SMYD3: variants seen among roughly 807,000 people sequenced by gnomAD.
The protein encoded by SMYD3 is SET and MYND domain containing 3, also known as histone-lysine N-methyltransferase SMYD3.
Under a neutral mutation model 57.7 loss-of-function variants are expected in SMYD3, and 36 were observed. The ratio of observed to expected loss-of-function variants is 0.62; its 90% CI spans 0.48 to 0.82. The LOEUF (loss-of-function observed/expected upper bound fraction) is 0.82. SMYD3 is among the 40% of genes least tolerant of loss of function. The probability of loss-of-function intolerance (pLI) is 0.00; values close to 1 mark genes in which losing one functional copy is unlikely to be tolerated. For synonymous variants in SMYD3, 211 were observed against 195.0 expected, an observed-to-expected ratio of 1.08 and a Z score of -0.68; for missense variants, 515 against 538.8, an observed-to-expected ratio of 0.96 and a Z score of 0.44.
At chr1:246,143,141 A>ACC (rs1553299710) in intron 5 of SMYD3, among the ~76,000 whole-genome samples, 4 of 132,930 alleles carry the variant, frequency 3.0e-5, no homozygotes, top group Admixed American at 1.4e-4. Context: ...ACACACACAC[A>ACC]CACACACACA....
intron 5 of SMYD3, among the ~76,000 whole-genome samples, chr1:246,144,491 C>T (rs1020027260): frequency 6.6e-6 from 1 of 152,124 alleles, no homozygotes; most frequent in Non-Finnish European, 1.5e-5. Context: ...TTCCCTATTT[C>T]AAATACAAAA....
chr1:246,431,826 AC>A (rs2067300519), intron 1 of SMYD3, among the ~76,000 whole-genome samples: 1 of 152,228 alleles, frequency 6.6e-6, no homozygotes, highest in Admixed American at 6.5e-5. Flanking sequence ...ACTCTAGGCA[AC>A]AAGTTCAATC....
intron 5 of SMYD3, among the ~76,000 whole-genome samples, chr1:246,162,140 A>G (rs2062132394): frequency 6.6e-6 from 1 of 152,090 alleles, no homozygotes; most frequent in South Asian, 2.1e-4. Flanking sequence ...GGTGGGAGCA[A>G]TGTATCTAAA....
At chr1:246,176,359 T>G (rs1050982098) in intron 5 of SMYD3, among the ~76,000 whole-genome samples, 2 of 152,188 alleles carry the variant, frequency 1.3e-5, no homozygotes, top group African/African-American at 4.8e-5. Flanking sequence ...TCAGAGCCCT[T>G]GGCAGAAAGA....
chr1:246,037,252 A>T (rs2059792728), intron 5 of SMYD3, among the ~76,000 whole-genome samples: 1 of 152,178 alleles, frequency 6.6e-6, no homozygotes, highest in South Asian at 2.1e-4. Context: ...TCTATATAGT[A>T]CCTGTTTCCC....
chr1:245,781,574 T>G (rs752133771), intron 10 of SMYD3, among the ~76,000 whole-genome samples: 91 of 152,212 alleles, frequency 6.0e-4, no homozygotes, highest in Non-Finnish European at 1.1e-3. Context: ...CCTCTCTTAT[T>G]AGCACACCAA....
At chr1:245,839,390 C>T (rs554933442) in intron 10 of SMYD3, among the ~76,000 whole-genome samples, 10 of 152,098 alleles carry the variant, frequency 6.6e-5, no homozygotes, top group South Asian at 6.2e-4. Context: ...AGGATGGTCT[C>T]GATCTCCTGA....
intron 5 of SMYD3, among the ~76,000 whole-genome samples, chr1:246,323,574 G>C (rs993986682): frequency 6.6e-6 from 1 of 152,118 alleles, no homozygotes; most frequent in Non-Finnish European, 1.5e-5. Flanking sequence ...ATATGCTCTC[G>C]GGATTAAGAA....
At chr1:246,411,975 T>TA (rs59193144) in intron 1 of SMYD3, among the ~76,000 whole-genome samples, 2,698 of 60,344 alleles carry the variant, frequency 0.045, 51 homozygotes, top group African/African-American at 0.085. Context: ...TAAAGTATAA[T>TA]AAAAAAAAAA....
intron 1 of SMYD3, among the ~76,000 whole-genome samples, chr1:246,387,144 A>G (rs1382849532): frequency 6.6e-6 from 1 of 152,230 alleles, no homozygotes; most frequent in Non-Finnish European, 1.5e-5. Context: ...TTAAATGAAA[A>G]TAACTGTGGA....
At chr1:246,347,087 A>G (rs2065733942) in intron 2 of SMYD3, among the ~76,000 whole-genome samples, 1 of 152,118 alleles carries the variant, frequency 6.6e-6, no homozygotes, top group Admixed American at 6.5e-5. Context: ...AGAATCTCTG[A>G]GCTGAAATTA....
intron 5 of SMYD3, among the ~76,000 whole-genome samples, chr1:246,054,973 T>A (rs914245962): frequency 8.0e-5 from 12 of 149,838 alleles, no homozygotes; most frequent in African/African-American, 1.7e-4. Context: ...CAGGAGATCG[T>A]GACCATCCTG....
chr1:246,072,265 T>C (rs2060467142), intron 5 of SMYD3, among the ~76,000 whole-genome samples: 1 of 143,136 alleles, frequency 7.0e-6, no homozygotes, highest in African/African-American at 2.5e-5. Flanking sequence ...TCGTGTGCTT[T>C]CCACTGTGCT....
At chr1:246,398,784 G>T (rs2148781894) in intron 1 of SMYD3, among the ~76,000 whole-genome samples, 1 of 152,240 alleles carries the variant, frequency 6.6e-6, no homozygotes, top group African/African-American at 2.4e-5. Flanking sequence ...AAGATAAACA[G>T]GTGAGAGCAT....
At chr1:246,006,945 G>A (rs2059184559) in intron 5 of SMYD3, among the ~76,000 whole-genome samples, 1 of 152,160 alleles carries the variant, frequency 6.6e-6, no homozygotes, top group Non-Finnish European at 1.5e-5. Flanking sequence ...AAAAGGCATG[G>A]GCAGGAGCTG....
intron 5 of SMYD3, among the ~76,000 whole-genome samples, chr1:246,031,002 C>T (rs2059661696): frequency 6.6e-6 from 1 of 152,108 alleles, no homozygotes; most frequent in African/African-American, 2.4e-5. Flanking sequence ...GACAGGGCTG[C>T]TTCCCCAAAA....
intron 5 of SMYD3, among the ~76,000 whole-genome samples, chr1:246,030,627 A>G (rs1037457620): frequency 2.0e-5 from 3 of 152,240 alleles, no homozygotes; most frequent in African/African-American, 7.2e-5. Flanking sequence ...TGATCATTAC[A>G]TATTATATAC....
intron 5 of SMYD3, among the ~76,000 whole-genome samples, chr1:246,148,330 C>T (rs186837198): frequency 2.0e-5 from 3 of 152,170 alleles, no homozygotes; most frequent in African/African-American, 7.2e-5. Flanking sequence ...TCTGAACGGC[C>T]TGCTTGTGAA....
At chr1:246,112,887 T>G (rs1264030934) in intron 5 of SMYD3, among the ~76,000 whole-genome samples, 5 of 152,082 alleles carry the variant, frequency 3.3e-5, no homozygotes, top group Non-Finnish European at 5.9e-5. Flanking sequence ...TTCATACAAA[T>G]AGAATAAATT....
Sources: allele counts gnomAD v4.1 joint callset (sites outside exome capture counted in the v4.1 genomes callset), GRCh38; gene constraint gnomAD v4.1.1; transcripts MANE v1.5; gene names NCBI Gene and HGNC (gene_info 2026-07-23, HGNC 2026-07-21).